Variants in LOXL1 observed in about 807,000 individuals in gnomAD.
The protein encoded by LOXL1 is lysyl oxidase homolog 1.
In LOXL1, 31 loss-of-function variants were observed where a neutral mutation model predicts 62.2. The ratio of observed to expected loss-of-function variants is 0.50; its 90% CI spans 0.37 to 0.67. The LOEUF (loss-of-function observed/expected upper bound fraction) is 0.67, where lower values mean the gene tolerates loss of function less well. Ranked by LOEUF, LOXL1 falls within the 30% of genes least tolerant of loss-of-function variation. The pLI, the probability that LOXL1 is intolerant of heterozygous loss-of-function variation, is 0.00. For synonymous variants in LOXL1, 403 were observed against 384.4 expected, an observed-to-expected ratio of 1.05 and a Z score of -0.56; for missense variants, 775 against 843.4, an observed-to-expected ratio of 0.92 and a Z score of 1.00.
intron 1 of LOXL1, among the ~76,000 whole-genome samples, chr15:73,937,468 G>A (rs1183411655): frequency 6.6e-6 from 1 of 152,230 alleles, no homozygotes; most frequent in Non-Finnish European, 1.5e-5. Flanking sequence ...CTCCTCCCCA[G>A]CCGAGCATCC....
Position 73,927,585 on chromosome 15 carries a change from G to A in LOXL1, c.802G>A (p.Asp268Asn). 1 of 1,501,880 alleles carries A rather than the reference G, an allele frequency of 6.7e-7. No homozygotes were observed. The highest frequency in any genetic ancestry group is 1.4e-5 in the African/African-American group (1 of 69,134). The allele number at this position is 1,501,880 out of a possible 1,614,324, so 93.0% of individuals were successfully genotyped here. The change falls in exon 1 of 7, where the codon GAC (aspartate) becomes AAC (asparagine). Residue 268 changes from aspartate (D) to asparagine (N), a missense_variant. Physicochemically the swap from Asp to Asn is conservative, Grantham distance 23 (BLOSUM62 1). Transcript: ENST00000261921. Reference sequence around the variant, plus strand: ...CGTGCCGCCGCCGCCGCCGCCCCCCGACGGCCTGGACCGCCGCTACTCGCA... The same window carrying A: ...CGTGCCGCCGCCGCCGCCGCCCCCCAACGGCCTGGACCGCCGCTACTCGCA... Reference protein sequence around the residue: ...PYVPPPPPPPDGLDRRYSHSL... With the variant: ...PYVPPPPPPPNGLDRRYSHSL...
intron 1 of LOXL1, among the ~76,000 whole-genome samples, chr15:73,941,248 C>T (rs2068711598): frequency 6.6e-6 from 1 of 152,190 alleles, no homozygotes; most frequent in Non-Finnish European, 1.5e-5. Context: ...CAGCCAGGAG[C>T]CACCTCATCC....
intron 6 of LOXL1, among the ~76,000 whole-genome samples, chr15:73,949,966 T>C (rs1344726532): frequency 6.6e-6 from 1 of 152,194 alleles, no homozygotes; most frequent in African/African-American, 2.4e-5. Flanking sequence ...AGGCTGGCAA[T>C]GAGGATCTAC....
rs542551730 is a variant in LOXL1, at chr15:73,946,342, G to A, written c.1212-75G>A. Reference sequence around the variant, plus strand: ...ACCAGTGGCCAAGGGCTGGGGGTGGGGCTGAGGGGGCCCATGCTGGGTTCT... The same window carrying A: ...ACCAGTGGCCAAGGGCTGGGGGTGGAGCTGAGGGGGCCCATGCTGGGTTCT... On this transcript the variant is annotated intron_variant, in intron 2 of 6. Transcript: ENST00000261921. 246 of 1,078,398 alleles carry A rather than the reference G, an allele frequency of 2.3e-4. 2 individuals carry two copies. In the Middle Eastern group the frequency reaches 2.9e-3, roughly 13 times the overall value. The allele number at this position is 1,078,398 out of a possible 1,614,324, so 66.8% of individuals were successfully genotyped here.
intron 3 of LOXL1, 140 bp downstream of exon 3, chr15:73,946,694 C>A: frequency 1.0e-6 from 1 of 992,000 alleles, no homozygotes; most frequent in Non-Finnish European, 1.4e-6. Flanking sequence ...TGTTACCTGC[C>A]AACTCTTTTC....
intron 5 of LOXL1, among the ~76,000 whole-genome samples, chr15:73,948,243 C>T (rs897227111): frequency 4.6e-5 from 7 of 152,164 alleles, no homozygotes; most frequent in Non-Finnish European, 8.8e-5. Context: ...TCGGACAGGG[C>T]AGACTTTGTA....
In LOXL1 at chr15:73,942,745, A is replaced by G. The variant is rs1373009566; in HGVS notation, c.1103-109A>G. 5 of 738,982 alleles carry G rather than the reference A, an allele frequency of 6.8e-6. No homozygotes were observed. The African/African-American group carries it at 8.6e-5, about 13-fold the overall frequency. The allele number at this position is 738,982 out of a possible 1,614,324, so 45.8% of individuals were successfully genotyped here. Reference sequence around the variant, plus strand: ...ATGGCAAAGGGTTTTGGGGTATGAGAGGATGTTTGGGGTGTGAGGAGGTCT... The same window carrying G: ...ATGGCAAAGGGTTTTGGGGTATGAGGGGATGTTTGGGGTGTGAGGAGGTCT... On this transcript the variant is annotated intron_variant, in intron 1 of 6. Coordinates refer to ENST00000261921, the MANE Select transcript of LOXL1 (RefSeq NM_005576.4).
intron 1 of LOXL1, among the ~76,000 whole-genome samples, chr15:73,931,648 C>T (rs748604550): frequency 6.6e-6 from 1 of 152,136 alleles, no homozygotes; most frequent in Non-Finnish European, 1.5e-5. Flanking sequence ...CCCAAGAGGC[C>T]AGACCTGTCT....
chr15:73,941,267 C>T (rs1025060039), intron 1 of LOXL1, among the ~76,000 whole-genome samples: 3 of 152,210 alleles, frequency 2.0e-5, no homozygotes, highest in Admixed American at 1.3e-4. Context: ...CCTCACCCAC[C>T]CTTGTACTCC....
chr15:73,929,133 T>C (rs2068617464), intron 1 of LOXL1, among the ~76,000 whole-genome samples: 1 of 152,246 alleles, frequency 6.6e-6, no homozygotes, highest in Non-Finnish European at 1.5e-5. Flanking sequence ...CATTCTCTGC[T>C]GTCCTAGAAT....
chr15:73,944,667 A>G (rs1026265647), intron 2 of LOXL1, among the ~76,000 whole-genome samples: 1 of 152,238 alleles, frequency 6.6e-6, no homozygotes, highest in Non-Finnish European at 1.5e-5. Flanking sequence ...CCAGAGAAGA[A>G]AAGGGACCAA....
intron 1 of LOXL1, among the ~76,000 whole-genome samples, chr15:73,936,628 C>A (rs1425211950): frequency 6.6e-6 from 1 of 152,160 alleles, no homozygotes; most frequent in African/African-American, 2.4e-5. Context: ...GAGGAGGAGG[C>A]TTGGAGAGGA....
At chr15:73,951,785 G>T (rs747789913) in intron 6 of LOXL1, 46 bp from the exon 7 acceptor site, 1 of 1,504,666 alleles carries the variant, frequency 6.6e-7, no homozygotes. Flanking sequence ...GGCCACGGGG[G>T]CCTACTTTGC....
intron 1 of LOXL1, among the ~76,000 whole-genome samples, chr15:73,940,850 C>T (rs1243013475): frequency 6.6e-6 from 1 of 152,246 alleles, no homozygotes; most frequent in East Asian, 1.9e-4. Context: ...CCTCCCGCTC[C>T]TCCAACTTCC....
chr15:73,934,603 T>C (rs1318419884), intron 1 of LOXL1, among the ~76,000 whole-genome samples: 2 of 152,116 alleles, frequency 1.3e-5, no homozygotes, highest in African/African-American at 2.4e-5. Flanking sequence ...GCAGATATCA[T>C]CTCATGAGGA....
At position 73,951,952 on chromosome 15, in the gene LOXL1, CCCTGCCGG is replaced by C; in HGVS notation, c.*119_*126del. ...CCCACAGGCACGGAGGGGCATCCCT[CCCTGCCGG>C]CCTCAGGGAGCGAACGTGGATGAAA... On this transcript the variant is annotated 3_prime_UTR_variant, in exon 7 of 7. Transcript: ENST00000261921. 1.9e-5 allele frequency: 18 copies of C among 925,122 alleles called. No homozygotes were observed. The highest frequency in any genetic ancestry group is 2.6e-5 in the Non-Finnish European group (18 of 682,804). The allele number at this position is 925,122 out of a possible 1,614,324, so 57.3% of individuals were successfully genotyped here.
At chr15:73,935,951 G>GTGTGTA (rs2068668304) in intron 1 of LOXL1, among the ~76,000 whole-genome samples, 1 of 151,152 alleles carries the variant, frequency 6.6e-6, no homozygotes, top group African/African-American at 2.4e-5. Flanking sequence ...GTGTGTGTGT[G>GTGTGTA]TGTGTGTGTG....
In LOXL1 at chr15:73,930,275, A is replaced by G. The variant is rs892923302; in HGVS notation, c.1102+2390A>G. Among the ~76,000 whole-genome samples, 11 of 152,254 alleles carry G rather than the reference A, an allele frequency of 7.2e-5. No homozygotes were observed. The highest frequency in any genetic ancestry group is 1.3e-4 in the Non-Finnish European group (9 of 67,998). Reference sequence around the variant, plus strand: ...CTCAGGGAGACTTCCACAGGAAGCAATGTCTAAGCATTGCTGCAAGGGATG... The same window carrying G: ...CTCAGGGAGACTTCCACAGGAAGCAGTGTCTAAGCATTGCTGCAAGGGATG... On this transcript the variant is annotated intron_variant, in intron 1 of 6. Coordinates refer to ENST00000261921, the MANE Select transcript of LOXL1 (RefSeq NM_005576.4). The surrounding 1 kb of genome is among the most constrained non-coding windows in gnomAD (Gnocchi z 4.7).
chr15:73,951,917 C>T lies in LOXL1; in HGVS notation c.*80C>T, dbSNP rs2068790767. 8.3e-6 allele frequency: 11 copies of T among 1,325,636 alleles called. No individual in the cohort carries two copies. Among genetic ancestry groups the T allele is most frequent in the Non-Finnish European group, 1.1e-5 (11 of 1,012,098 alleles). The allele number at this position is 1,325,636 out of a possible 1,614,324, so 82.1% of individuals were successfully genotyped here. A position where few individuals can be genotyped will look rare whatever the true frequency, so the allele number is the denominator to read the frequency against. The stretch of plus-strand genomic sequence containing the variant: ...CCGGGCAGCCTCCCGCCGAGGGGCC[C>T]AGCCCCCAACCCACAGGCACGGAGG... On this transcript the variant is annotated 3_prime_UTR_variant, in exon 7 of 7. Transcript: ENST00000261921.
Sources: gnomAD v4.1 joint callset for allele counts (sites outside exome capture counted in the v4.1 genomes callset) on GRCh38, gnomAD v4.1.1 for gene constraint, Gnocchi (gnomAD v3.1) non-coding constraint, MANE v1.5 for transcripts, NCBI Gene and HGNC (gene_info 2026-07-23, HGNC 2026-07-21) for gene names.